AKR1C2: variants seen among roughly 807,000 people sequenced by gnomAD.
AKR1C2 encodes the protein 3-alpha-HSD3.
A neutral mutation model predicts 39.8 loss-of-function variants in AKR1C2; 27 were observed. That is an observed-to-expected ratio of 0.68 (90% CI 0.50 to 0.93). The LOEUF (loss-of-function observed/expected upper bound fraction) is 0.93, where lower values mean the gene tolerates loss of function less well. Among genes scored for constraint, AKR1C2 ranks in the 40% least tolerant of loss-of-function variants. The pLI is 0.00. For synonymous variants in AKR1C2, 114 were observed against 137.9 expected (o/e 0.83, Z 1.22); for missense variants, 263 against 365.1 (o/e 0.72, Z 2.28).
In AKR1C2 at chr10:4,990,120, G is replaced by A; in HGVS notation, c.930-82C>T. ...GTAGCGCAGTGATTTCTAGGAAGCT[G>A]CCGCTAGTGTAGATGTTAAGAAGTT... On this transcript the variant is annotated intron_variant, in intron 8 of 8. Coordinates refer to ENST00000380753, the MANE Select transcript of AKR1C2 (RefSeq NM_001393392.1). 3 of 1,554,214 alleles carry A rather than the reference G, an allele frequency of 1.9e-6. No individual in the cohort carries two copies. In the East Asian group the frequency reaches 6.8e-5, roughly 35 times the overall value.
At chr10:4,994,617 T>G (rs1192055709) in intron 7 of AKR1C2, among the ~76,000 whole-genome samples, 2 of 151,944 alleles carry the variant, frequency 1.3e-5, no homozygotes, top group Admixed American at 1.3e-4. Flanking sequence ...GATAAAGAAC[T>G]GCATGGGAGA....
chr10:5,011,476 C>T (rs2398170), intron 1 of AKR1C2, among the ~76,000 whole-genome samples: 1 of 152,212 alleles, frequency 6.6e-6, no homozygotes, highest in African/African-American at 2.4e-5. Flanking sequence ...ACCTAGACTT[C>T]ACTACAGATC....
upstream of AKR1C2, chr10:5,006,112 C>T (rs369759938): frequency 7.9e-5 from 12 of 152,162 alleles, no homozygotes; most frequent in Admixed American, 3.3e-4. Flanking sequence ...TTATGGGACA[C>T]CTTCAAGCCA....
intron 1 of AKR1C2, among the ~76,000 whole-genome samples, chr10:5,011,234 A>T (rs189688421): frequency 1.6e-4 from 25 of 152,318 alleles, no homozygotes; most frequent in African/African-American, 5.5e-4. Context: ...ATGCCTAGGC[A>T]CACCTACAGG....
At chr10:5,001,092 C>A (rs1554773788) in intron 2 of AKR1C2, among the ~76,000 whole-genome samples, 2 of 152,124 alleles carry the variant, frequency 1.3e-5, no homozygotes, top group African/African-American at 2.4e-5. Flanking sequence ...CAATTTAAAA[C>A]AATGTAGGTA....
At chr10:4,998,552 G>A in intron 5 of AKR1C2, 73 bp downstream of exon 5, 4 of 1,590,110 alleles carry the variant, frequency 2.5e-6, no homozygotes, top group Non-Finnish European at 3.4e-6. Context: ...GGGACTAAAT[G>A]AATGGATACT....
chr10:5,016,005 G>T (rs1203475724), intron 1 of AKR1C2: 6 of 152,106 alleles, frequency 3.9e-5, no homozygotes, highest in African/African-American at 1.2e-4. Flanking sequence ...GATCTCAGGA[G>T]AACCATATGA....
At chr10:4,998,055 T>C (rs1288103215) in intron 5 of AKR1C2, among the ~76,000 whole-genome samples, 5 of 152,324 alleles carry the variant, frequency 3.3e-5, no homozygotes, top group Admixed American at 6.5e-5. Context: ...AACAGATATC[T>C]CCATAAACAG....
rs1426435113 is a variant in AKR1C2 at position 4,988,143 on chromosome 10, G to C, written c.*1853C>G. ...TGAAAAAAGAGTTACACGTGCTATAGAGATTTGAAATATGAAAGTCTGCTT... is the reference window on the plus strand; with the variant it reads ...TGAAAAAAGAGTTACACGTGCTATACAGATTTGAAATATGAAAGTCTGCTT... On this transcript the variant is annotated 3_prime_UTR_variant, in exon 9 of 9. Coordinates refer to ENST00000380753, the MANE Select transcript of AKR1C2 (RefSeq NM_001393392.1). The C allele has an allele frequency of 6.6e-6, 1 of 152,160 alleles. No homozygotes were observed. The highest frequency in any genetic ancestry group is 1.9e-4 in the East Asian group (1 of 5,198). 9.4% of individuals were successfully genotyped at this position (152,160 alleles called of 1,614,324 possible).
chr10:4,994,573 G>A lies in AKR1C2; in HGVS notation c.846+746C>T, dbSNP rs187874215. ...ATTCACTATGCTGGGGTCATGCCCT[G>A]TGCTGAGGTGAACCCTGGGCTGGAT... On this transcript the variant is annotated intron_variant, in intron 7 of 8. Coordinates refer to ENST00000380753, the MANE Select transcript of AKR1C2 (RefSeq NM_001393392.1). Among the ~76,000 whole-genome samples the A allele has an allele frequency of 2.0e-4, 31 of 152,236 alleles. No individual in the cohort carries two copies. The East Asian group carries it at 5.8e-3, about 29-fold the overall frequency.
chr10:5,000,807 C>A (rs548844949), intron 2 of AKR1C2, 141 bp from the exon 3 acceptor site: 2 of 695,116 alleles, frequency 2.9e-6, no homozygotes, highest in Non-Finnish European at 5.0e-6. Context: ...TCTTGTGATG[C>A]CTTTTGTTCT....
intron 1 of AKR1C2, among the ~76,000 whole-genome samples, chr10:5,014,633 G>A (rs7085982): frequency 0.071 from 10,773 of 152,068 alleles, 522 homozygotes; most frequent in African/African-American, 0.14. Context: ...GGAATTAAAG[G>A]TGCCTGGACC....
chr10:4,990,460 A>C (rs571158430), intron 8 of AKR1C2, among the ~76,000 whole-genome samples: 2 of 152,368 alleles, frequency 1.3e-5, no homozygotes, highest in African/African-American at 4.8e-5. Context: ...GAGTGTGATA[A>C]TTATACTGGT....
At chr10:5,002,954 G>A (rs1554774002) in intron 1 of AKR1C2, among the ~76,000 whole-genome samples, 1 of 152,146 alleles carries the variant, frequency 6.6e-6, no homozygotes, top group Non-Finnish European at 1.5e-5. Flanking sequence ...TTATAGATGA[G>A]AAATGTGAGA....
chr10:4,994,275 A>G (rs1264984496), intron 7 of AKR1C2, among the ~76,000 whole-genome samples: 7 of 152,212 alleles, frequency 4.6e-5, no homozygotes, highest in Middle Eastern at 6.9e-3. Flanking sequence ...ATATCTATAT[A>G]TATTCATATT....
intron 8 of AKR1C2, among the ~76,000 whole-genome samples, chr10:4,991,244 C>T (rs1330259853): frequency 6.6e-6 from 1 of 151,548 alleles, no homozygotes; most frequent in East Asian, 1.9e-4. Flanking sequence ...CCTATTCGCT[C>T]CACTAAGACA....
chr10:5,004,197 G>A (rs1837352065), upstream of AKR1C2, among the ~76,000 whole-genome samples: 1 of 152,178 alleles, frequency 6.6e-6, no homozygotes, highest in South Asian at 2.1e-4. Context: ...TTTTTTGTGT[G>A]TGCCATGATG....
intron 8 of AKR1C2, among the ~76,000 whole-genome samples, chr10:4,990,427 G>A (rs1469580735): frequency 6.6e-6 from 1 of 152,108 alleles, no homozygotes; most frequent in African/African-American, 2.4e-5. Flanking sequence ...GAAGATATAT[G>A]CTCATCACTA....
chr10:5,016,804 T>G (rs1389486650), intron 1 of AKR1C2, among the ~76,000 whole-genome samples: 2 of 152,256 alleles, frequency 1.3e-5, no homozygotes, highest in African/African-American at 2.4e-5. Flanking sequence ...GCAGCAGGCT[T>G]CTGCCTGGAC....
Sources: gnomAD v4.1 joint callset for allele counts (sites outside exome capture counted in the v4.1 genomes callset) on GRCh38, gnomAD v4.1.1 for gene constraint, MANE v1.5 for transcripts, NCBI Gene and HGNC (gene_info 2026-07-23, HGNC 2026-07-21) for gene names.